Variants in TM4SF20 observed in about 807,000 individuals in gnomAD.
The protein encoded by TM4SF20 is transmembrane 4 L six family member 20.
TM4SF20 carries 13 observed loss-of-function variants against 15.1 expected under a neutral mutation model. The observed-to-expected ratio is 0.86, with a 90% CI of 0.56 to 1.36. TM4SF20 has a LOEUF of 1.36. Ranked by LOEUF, TM4SF20 falls within the 40% of genes most tolerant of loss-of-function variation. The probability of loss-of-function intolerance (pLI) is 0.00; values close to 1 mark genes in which losing one functional copy is unlikely to be tolerated. For missense variants in TM4SF20, 282 were observed against 268.4 expected, an observed-to-expected ratio of 1.05 and a Z score of -0.35; for synonymous variants, 92 against 96.6, an observed-to-expected ratio of 0.95 and a Z score of 0.28.
At chr2:227,380,517 C>A (rs1426321774), upstream of TM4SF20, among the ~76,000 whole-genome samples, 1 of 152,178 alleles carries the variant, frequency 6.6e-6, no homozygotes. Flanking sequence ...CATACTGGAT[C>A]TATATGTTTC....
chr2:227,366,309 G>A, intron 2 of TM4SF20, 65 bp from the exon 3 acceptor site: 1 of 1,442,754 alleles, frequency 6.9e-7, no homozygotes, highest in Non-Finnish European at 9.5e-7. Flanking sequence ...TCAAGCTTCA[G>A]GAGCGTATAC....
intron 3 of TM4SF20, 39 bp downstream of exon 3, chr2:227,366,054 T>G (rs765027043): frequency 1.3e-6 from 2 of 1,582,910 alleles, no homozygotes; most frequent in Admixed American, 3.7e-5. Context: ...CTAGTTCAAC[T>G]GTGTGAGACA....
intron 1 of TM4SF20, 46 bp from the exon 2 acceptor site, chr2:227,371,026 CA>C: frequency 1.3e-6 from 2 of 1,519,784 alleles, no homozygotes; most frequent in South Asian, 2.2e-5. Flanking sequence ...AACTTCTCAT[CA>C]GAAGAAAAAA....
intron 1 of TM4SF20, among the ~76,000 whole-genome samples, chr2:227,375,759 G>C (rs966604154): frequency 1.3e-5 from 2 of 152,118 alleles, no homozygotes; most frequent in Non-Finnish European, 2.9e-5. Context: ...AAAGTGCTGG[G>C]ATTACAGACA....
chr2:227,372,516 C>T (rs928108167), intron 1 of TM4SF20, among the ~76,000 whole-genome samples: 2 of 152,038 alleles, frequency 1.3e-5, no homozygotes, highest in Non-Finnish European at 2.9e-5. Flanking sequence ...AGGTGGTGCA[C>T]ACCTGTAGCC....
rs773432956 is a variant in TM4SF20, at chr2:227,379,188, C to T, written c.81G>A (p.Ala27=). 121 of 1,614,026 alleles carry T rather than the reference C, an allele frequency of 7.5e-5. No individual in the cohort carries two copies. The highest frequency in any genetic ancestry group is 9.6e-5 in the Non-Finnish European group (113 of 1,180,030). The part of the protein sequence containing the change: ...VLLLLGVVLN[A]IPLIVSLVEE... ...CAACTAAGCTGACAATTAGAGGTAT[C>T]GCATTGAGAACTACTCCTAACAGCA... is the stretch of plus-strand genomic sequence containing the variant. The change falls in exon 1 of 4, where the codon GCG becomes GCA. Residue 27 remains alanine, a synonymous_variant. Transcript: ENST00000304568.
chr2:227,380,260 G>A (rs1398261914), upstream of TM4SF20, among the ~76,000 whole-genome samples: 1 of 152,224 alleles, frequency 6.6e-6, no homozygotes, highest in African/African-American at 2.4e-5. Context: ...AACCTGGGGG[G>A]TGGAGGTTGC....
chr2:227,380,771 G>C (rs1317896387), upstream of TM4SF20, among the ~76,000 whole-genome samples: 5 of 152,172 alleles, frequency 3.3e-5, no homozygotes, highest in Non-Finnish European at 7.4e-5. Context: ...CAGCGGTGCA[G>C]TCAGTGTGGG....
Position 227,379,142 on chromosome 2 carries a change from T to G in TM4SF20, c.127A>C (p.Asn43His), listed in dbSNP as rs1437803097. The change falls in exon 1 of 4, where the codon AAC (asparagine) becomes CAC (histidine). Residue 43 changes from asparagine (N) to histidine (H), a missense_variant. Physicochemically the swap from Asn to His is moderately conservative, Grantham distance 68 (BLOSUM62 1). Coordinates refer to ENST00000304568, the MANE Select transcript of TM4SF20 (RefSeq NM_024795.4). The stretch of plus-strand genomic sequence containing the variant: ...CACCACTCAAAGCAAGAGATGGGGT[T>G]TTGAGAAAATTGGTCTTCCTCAACT... Reference protein sequence around the residue: ...SLVEEDQFSQNPISCFEWWFP... With the variant: ...SLVEEDQFSQHPISCFEWWFP... 6.2e-7 allele frequency: 1 copy of G among 1,614,218 alleles called. No individual in the cohort carries two copies. Among genetic ancestry groups the G allele is most frequent in the Non-Finnish European group, 8.5e-7 (1 of 1,180,042 alleles).
rs1007958637 is a variant in TM4SF20, at chr2:227,363,863, T to C, written c.551A>G (p.His184Arg). Reference protein sequence around the residue: ...SFHFDSEENKHRLIHFSVFLG... With the variant: ...SFHFDSEENKRRLIHFSVFLG... ...AAATACTGAGAAGTGGATAAGCCTATGTTTGTTTTCTTCAGAATCGAAGTG... is the reference window on the plus strand; with the variant it reads ...AAATACTGAGAAGTGGATAAGCCTACGTTTGTTTTCTTCAGAATCGAAGTG... Residue 184 changes from histidine (H) to arginine (R), a missense_variant, in exon 4 of 4, where the codon CAT becomes CGT. Physicochemically the swap from His to Arg is conservative, Grantham distance 29. Coordinates refer to ENST00000304568, the MANE Select transcript of TM4SF20 (RefSeq NM_024795.4). 1 of 1,614,202 alleles carries C rather than the reference T, an allele frequency of 6.2e-7. No individual in the cohort carries two copies. Among genetic ancestry groups the C allele is most frequent in the Non-Finnish European group, 8.5e-7 (1 of 1,180,034 alleles).
At chr2:227,371,626 C>G (rs1278401708) in intron 1 of TM4SF20, among the ~76,000 whole-genome samples, 1 of 152,188 alleles carries the variant, frequency 6.6e-6, no homozygotes, top group African/African-American at 2.4e-5. Context: ...TTACGCCTGG[C>G]CCGATTTCCC....
rs138760550 is a variant in TM4SF20, at chr2:227,363,760, C to A, written c.654G>T (p.Leu218=). The A allele has an allele frequency of 1.7e-4, 282 of 1,614,102 alleles. 1 individual carries two copies. The African/African-American group carries it at 3.3e-3, about 19-fold the overall frequency. ...SQIVIGFLGC[L]CGVSKRRSQI... ...GACTTCTTCGCTTAGAGACTCCACACAGACAGCCAAGGAAACCGATGACTA... is the reference window on the plus strand; with the variant it reads ...GACTTCTTCGCTTAGAGACTCCACAAAGACAGCCAAGGAAACCGATGACTA... Residue 218 remains leucine, a synonymous_variant, in exon 4 of 4, where the codon CTG becomes CTT. Coordinates refer to ENST00000304568, the MANE Select transcript of TM4SF20 (RefSeq NM_024795.4).
chr2:227,363,775 A>G lies in TM4SF20; in HGVS notation c.639T>C (p.Gly213=), dbSNP rs779533197. The change falls in exon 4 of 4, where the codon GGT becomes GGC. Residue 213 remains glycine, a synonymous_variant. Coordinates refer to ENST00000304568, the MANE Select transcript of TM4SF20 (RefSeq NM_024795.4). ...AGACTCCACACAGACAGCCAAGGAA[A>G]CCGATGACTATCTGACTGAGCCCAA... ...VLFGLSQIVI[G]FLGCLCGVSK... 3.7e-5 allele frequency: 59 copies of G among 1,614,086 alleles called. No homozygotes were observed. The highest frequency in any genetic ancestry group is 4.8e-5 in the Non-Finnish European group (57 of 1,180,046).
In TM4SF20 at chr2:227,379,209, CAGCA is replaced by C; in HGVS notation, c.56_59del (p.Leu19ArgfsTer2). 6.2e-7 allele frequency: 1 copy of C among 1,614,144 alleles called. No individual in the cohort carries two copies. The highest frequency in any genetic ancestry group is 8.5e-7 in the Non-Finnish European group (1 of 1,179,958). On this transcript the variant is annotated frameshift_variant, in exon 1 of 4. Transcript: ENST00000304568. LOFTEE classifies it high-confidence loss of function. ...GTATCGCATTGAGAACTACTCCTAACAGCAGTAGAACCAGCAGGCTGAATCCATT... is the reference window on the plus strand; with the variant it reads ...GTATCGCATTGAGAACTACTCCTAACGTAGAACCAGCAGGCTGAATCCATT...
chr2:227,364,383 A>ACCCCCCCCCC (rs1315331304), intron 3 of TM4SF20, among the ~76,000 whole-genome samples: 3 of 143,444 alleles, frequency 2.1e-5, no homozygotes, highest in African/African-American at 8.4e-5. Flanking sequence ...AGCCTCCCCT[A>ACCCCCCCCCC]CCCCCCGCCA....
chr2:227,364,148 T>G, intron 3 of TM4SF20, 136 bp from the exon 4 acceptor site: 1 of 887,724 alleles, frequency 1.1e-6, no homozygotes, highest in Non-Finnish European at 1.7e-6. Flanking sequence ...AGATCAGGGT[T>G]TCTGAGCATG....
In TM4SF20 at chr2:227,362,527, C is replaced by T. The variant is rs375365631; in HGVS notation, c.*1197G>A. ...GATCCAAAACTTTTTGAGCCAGTAA[C>T]GTAACACCACAAGTGGAAAATTCCA... On this transcript the variant is annotated 3_prime_UTR_variant, in exon 4 of 4. Transcript: ENST00000304568. The T allele has an allele frequency of 3.3e-5, 5 of 152,062 alleles. No individual in the cohort carries two copies. The highest frequency in any genetic ancestry group is 1.9e-4 in the East Asian group (1 of 5,176). The allele number at this position is 152,062 out of a possible 1,614,324, so 9.4% of individuals were successfully genotyped here. A position where few individuals can be genotyped will look rare whatever the true frequency, so the allele number is the denominator to read the frequency against.
chr2:227,376,621 G>A (rs919749080), intron 1 of TM4SF20, among the ~76,000 whole-genome samples: 1 of 152,232 alleles, frequency 6.6e-6, no homozygotes, highest in African/African-American at 2.4e-5. Context: ...AAACTTAGCT[G>A]TAGAACGAGG....
chr2:227,377,048 C>T (rs1353425468), intron 1 of TM4SF20, among the ~76,000 whole-genome samples: 1 of 152,224 alleles, frequency 6.6e-6, no homozygotes, highest in Admixed American at 6.5e-5. Context: ...CCACACCCGC[C>T]ACCATCCTAA....
Sources: allele counts gnomAD v4.1 joint callset (sites outside exome capture counted in the v4.1 genomes callset), GRCh38; gene constraint gnomAD v4.1.1; transcripts MANE v1.5; gene names NCBI Gene and HGNC (gene_info 2026-07-23, HGNC 2026-07-21).